Variants in MYO3B observed in about 807,000 individuals in gnomAD.
The protein encoded by MYO3B is myosin-IIIb.
MYO3B carries 156 observed loss-of-function variants against 174.6 expected under a neutral mutation model. The ratio of observed to expected loss-of-function variants is 0.89; its 90% CI spans 0.78 to 1.02. The LOEUF (loss-of-function observed/expected upper bound fraction) is 1.02, where lower values mean the gene tolerates loss of function less well. MYO3B is among the 50% of genes least tolerant of loss of function. MYO3B has a pLI of 0.00. For synonymous variants in MYO3B, 563 were observed against 569.1 expected (o/e 0.99, Z 0.15); for missense variants, 1,632 against 1,639.4 (o/e 1.00, Z 0.08).
At chr2:170,225,389 C>T (rs2092941168) in intron 6 of MYO3B, among the ~76,000 whole-genome samples, 1 of 152,202 alleles carries the variant, frequency 6.6e-6, no homozygotes, top group South Asian at 2.1e-4. Flanking sequence ...TTAATTGTGA[C>T]AACCAGTGTA....
At chr2:170,218,797 T>C (rs2092859260) in intron 6 of MYO3B, among the ~76,000 whole-genome samples, 1 of 152,222 alleles carries the variant, frequency 6.6e-6, no homozygotes, top group South Asian at 2.1e-4. Flanking sequence ...CCCATTATTA[T>C]TATTATTAAT....
chr2:170,480,311 ATGCTGAAGTCATGAAGCTT>A (rs1003074736), intron 25 of MYO3B, among the ~76,000 whole-genome samples: 1 of 152,104 alleles, frequency 6.6e-6, no homozygotes, highest in Non-Finnish European at 1.5e-5. Flanking sequence ...AGGGGGAGGA[ATGCTGAAGTCATGAAGCTT>A]CAGTGATAAC....
chr2:170,418,810 T>TAA (rs5836277), intron 22 of MYO3B, among the ~76,000 whole-genome samples: 14 of 146,286 alleles, frequency 9.6e-5, no homozygotes, highest in East Asian at 4.0e-4. Flanking sequence ...GCAATTACTT[T>TAA]AAAAAAAAAA....
chr2:170,594,158 T>C (rs1693993319), intron 32 of MYO3B, among the ~76,000 whole-genome samples: 1 of 152,150 alleles, frequency 6.6e-6, no homozygotes, highest in Non-Finnish European at 1.5e-5. Flanking sequence ...ATCACTGTAA[T>C]TGGTCCAGAG....
chr2:170,626,855 T>C (rs1412465747), intron 32 of MYO3B, among the ~76,000 whole-genome samples: 1 of 152,118 alleles, frequency 6.6e-6, no homozygotes, highest in Non-Finnish European at 1.5e-5. Context: ...TTCATTTCTT[T>C]AGGAATGTTG....
chr2:170,361,266 A>G (rs1197436215), intron 8 of MYO3B, among the ~76,000 whole-genome samples: 1 of 152,192 alleles, frequency 6.6e-6, no homozygotes, highest in Non-Finnish European at 1.5e-5. Flanking sequence ...AACATAGACT[A>G]ACAATCTGAT....
chr2:170,342,109 G>A (rs1033306907), intron 8 of MYO3B: 2 of 152,198 alleles, frequency 1.3e-5, no homozygotes, highest in African/African-American at 4.8e-5. Context: ...CTAGACTGTT[G>A]TCAGCATATC....
chr2:170,568,574 A>C (rs1260965898), intron 32 of MYO3B, among the ~76,000 whole-genome samples: 2 of 152,184 alleles, frequency 1.3e-5, no homozygotes, highest in Admixed American at 6.5e-5. Flanking sequence ...TAGCTCTTTG[A>C]AACTCAAGCT....
rs1057070449 is a variant in MYO3B, at chr2:170,323,738, T to C, written c.750-11647T>C. Reference sequence around the variant, plus strand: ...ACATTATTAGCACAGTGCTTTCACATAGTAAGTACTCAAGAAGTGAGTTAT... The same window carrying C: ...ACATTATTAGCACAGTGCTTTCACACAGTAAGTACTCAAGAAGTGAGTTAT... On this transcript the variant is annotated intron_variant, in intron 7 of 34. Coordinates refer to ENST00000408978, the MANE Select transcript of MYO3B (RefSeq NM_138995.5). 2.6e-5 allele frequency among the ~76,000 whole-genome samples: 4 copies of C among 152,242 alleles called. No homozygotes were observed. In the East Asian group the frequency reaches 7.7e-4, roughly 29 times the overall value.
chr2:170,278,496 A>G (rs1044470109), intron 7 of MYO3B, among the ~76,000 whole-genome samples: 1 of 152,156 alleles, frequency 6.6e-6, no homozygotes, highest in Non-Finnish European at 1.5e-5. Flanking sequence ...CTGATACAGA[A>G]TATTTGTGCA....
chr2:170,429,598 A>T (rs1044542560), intron 22 of MYO3B, among the ~76,000 whole-genome samples: 8 of 152,186 alleles, frequency 5.3e-5, no homozygotes, highest in Non-Finnish European at 7.3e-5. Context: ...TAAATGTCTA[A>T]TTTTAAAATA....
At chr2:170,646,271 CAA>C (rs746578328) in intron 32 of MYO3B, among the ~76,000 whole-genome samples, 15 of 121,268 alleles carry the variant, frequency 1.2e-4, no homozygotes, top group Admixed American at 2.5e-4. Flanking sequence ...AACTCTGTCT[CAA>C]AAAAAAAAAA....
rs1235781991 is a variant in MYO3B, at chr2:170,407,677, T to G, written c.2521-38T>G. 4 of 1,607,536 alleles carry G rather than the reference T, an allele frequency of 2.5e-6. No individual in the cohort carries two copies. In the Admixed American group the frequency reaches 5.0e-5, roughly 20 times the overall value. ...GCCAGTGTCACCAATGACGGACAGT[T>G]GACTTGGCTAATTTGCCGTTTGCTA... On this transcript the variant is annotated intron_variant, in intron 21 of 34. Transcript: ENST00000408978.
intron 3 of MYO3B, among the ~76,000 whole-genome samples, chr2:170,212,503 A>G (rs1040311502): frequency 6.6e-6 from 1 of 152,174 alleles, no homozygotes; most frequent in Non-Finnish European, 1.5e-5. Flanking sequence ...CTTAAGCCCT[A>G]CGCCTGGATG....
chr2:170,260,393 G>A (rs2093336836), intron 7 of MYO3B, among the ~76,000 whole-genome samples: 1 of 152,234 alleles, frequency 6.6e-6, no homozygotes, highest in Admixed American at 6.5e-5. Flanking sequence ...ATAAAATCAT[G>A]TTCTTTGCAG....
chr2:170,295,750 A>C (rs2093625047), intron 7 of MYO3B, among the ~76,000 whole-genome samples: 1 of 152,200 alleles, frequency 6.6e-6, no homozygotes, highest in Admixed American at 6.5e-5. Context: ...CAACTCTCTA[A>C]GTCTTTGCCT....
At chr2:170,233,816 G>T (rs999820303) in intron 6 of MYO3B, among the ~76,000 whole-genome samples, 44 of 152,308 alleles carry the variant, frequency 2.9e-4, no homozygotes, top group African/African-American at 1.0e-3. Context: ...GTTTCTGGAA[G>T]AGAGCAGGAA....
At position 170,653,095 on chromosome 2, in the gene MYO3B, A is replaced by G. The variant is rs775359725; in HGVS notation, c.4000A>G (p.Lys1334Glu). The change falls in exon 35 of 35, where the codon AAA (lysine) becomes GAA (glutamate). Residue 1334 changes from lysine (K) to glutamate (E), a missense_variant. Physicochemically the swap from Lys to Glu is moderately conservative, Grantham distance 56. Coordinates refer to ENST00000408978, the MANE Select transcript of MYO3B (RefSeq NM_138995.5). ...CCCTTCCTTTTTTTCTTCATCCTCA[A>G]AAGGAGACTCTTTTGCTCAACATTA... The part of the protein sequence containing the change: ...AHPSFFSSSS[K>E]GDSFAQH 1 of 1,614,152 alleles carries G rather than the reference A, an allele frequency of 6.2e-7. No individual in the cohort carries two copies. Among genetic ancestry groups the G allele is most frequent in the South Asian group, 1.1e-5 (1 of 91,068 alleles).
At chr2:170,537,448 A>ATTTTT (rs559086883) in intron 30 of MYO3B, among the ~76,000 whole-genome samples, 606 of 54,812 alleles carry the variant, frequency 0.011, 125 homozygotes, top group African/African-American at 0.014. Context: ...GAGCTCTTTG[A>ATTTTT]TTTTTTTTTT....
Sources: allele counts gnomAD v4.1 joint callset (sites outside exome capture counted in the v4.1 genomes callset), GRCh38; gene constraint gnomAD v4.1.1; transcripts MANE v1.5; gene names NCBI Gene and HGNC (gene_info 2026-07-23, HGNC 2026-07-21).